CCDC59: variants seen among roughly 807,000 people sequenced by gnomAD.
The protein encoded by CCDC59 is coiled-coil domain containing 59, also known as thyroid transcription factor 1-associated protein 26.
Under a neutral mutation model 30.5 loss-of-function variants are expected in CCDC59, and 27 were observed. That is an observed-to-expected ratio of 0.89 (90% confidence interval 0.65 to 1.22). The LOEUF is 1.22. Ranked by LOEUF, CCDC59 falls within the 50% of genes most tolerant of loss-of-function variation. CCDC59 has a pLI of 0.00. For synonymous variants in CCDC59, 125 were observed against 100.9 expected, an observed-to-expected ratio of 1.24 and a Z score of -1.43; for missense variants, 362 against 284.4, an observed-to-expected ratio of 1.27 and a Z score of -1.96.
Position 82,352,512 on chromosome 12 carries a change from C to G in CCDC59, c.*639G>C, listed in dbSNP as rs893995403. 1 of 152,210 alleles carries G rather than the reference C, an allele frequency of 6.6e-6. No homozygotes were observed. Among genetic ancestry groups the G allele is most frequent in the African/African-American group, 2.4e-5 (1 of 41,462 alleles). The allele number at this position is 152,210 out of a possible 1,614,324, so 9.4% of individuals were successfully genotyped here. A position where few individuals can be genotyped will look rare whatever the true frequency, so the allele number is the denominator to read the frequency against. On this transcript the variant is annotated 3_prime_UTR_variant, in exon 4 of 4. Coordinates refer to ENST00000256151, the MANE Select transcript of CCDC59 (RefSeq NM_014167.5). ...AGATAATGTTCTTAAAGTATAGGGTCCATAGGAACTGGAAAGCTTAATTCT... is the reference window on the plus strand; with the variant it reads ...AGATAATGTTCTTAAAGTATAGGGTGCATAGGAACTGGAAAGCTTAATTCT...
chr12:82,357,306 G>A (rs1319146799), intron 1 of CCDC59, 37 bp from the exon 2 acceptor site: 5 of 1,543,552 alleles, frequency 3.2e-6, no homozygotes, highest in Middle Eastern at 2.0e-4. Context: ...TACTTTCAGA[G>A]AAAAGAAGTT....
chr12:82,358,184 C>T, intron 1 of CCDC59, 39 bp downstream of exon 1: 2 of 1,612,680 alleles, frequency 1.2e-6, no homozygotes, highest in Non-Finnish European at 8.5e-7. Context: ...TAAAACTTAG[C>T]AAGCCTGAGG....
At chr12:82,358,463 G>GA, upstream of CCDC59, 2 of 1,601,666 alleles carry the variant, frequency 1.2e-6, no homozygotes, top group Admixed American at 3.4e-5. Context: ...CGCTCAGAAG[G>GA]AATCCGGCTC....
chr12:82,353,508 G>T (rs1880895431), intron 3 of CCDC59, among the ~76,000 whole-genome samples, 196 bp from the exon 4 acceptor site: 1 of 152,064 alleles, frequency 6.6e-6, no homozygotes, highest in South Asian at 2.1e-4. Flanking sequence ...GTATAACAGA[G>T]AATTTTCATG....
intron 2 of CCDC59, chr12:82,355,191 T>C (rs1298194108): frequency 6.6e-6 from 1 of 152,450 alleles, no homozygotes; most frequent in Non-Finnish European, 1.5e-5. Flanking sequence ...GACTAGTGAC[T>C]AGTGACTGCC....
rs745987418 is a variant in CCDC59, at chr12:82,353,281, T to G, written c.596A>C (p.Glu199Ala). Reference sequence around the variant, plus strand: ...CTTCTTTTTGTACTGCCTTTGGGCTTCTTCTCTCTCCTGTTTTCTCCTCTC... The same window carrying G: ...CTTCTTTTTGTACTGCCTTTGGGCTGCTTCTCTCTCCTGTTTTCTCCTCTC... ...EFERRKQERE[E>A]AQRQYKKKKM... The change falls in exon 4 of 4, where the codon GAA (glutamate) becomes GCA (alanine). Residue 199 changes from glutamate (E) to alanine (A), a missense_variant. Glu to Ala is a moderately radical substitution (Grantham distance 107, BLOSUM62 -1). Coordinates refer to ENST00000256151, the MANE Select transcript of CCDC59 (RefSeq NM_014167.5). The G allele has an allele frequency of 4.4e-6, 7 of 1,607,770 alleles. No individual in the cohort carries two copies. Among genetic ancestry groups the G allele is most frequent in the Admixed American group, 3.4e-5 (2 of 58,634 alleles).
chr12:82,354,014 ATAGT>A (rs2136746877), intron 3 of CCDC59, among the ~76,000 whole-genome samples: 1 of 65,698 alleles, frequency 1.5e-5, no homozygotes, highest in African/African-American at 4.4e-5. Context: ...AGCTAAAATA[ATAGT>A]TGTTTTTTTT....
rs1261020944 is a variant in CCDC59 at position 82,358,212 on chromosome 12, T to C, written c.154+11A>G. 6.2e-7 allele frequency: 1 copy of C among 1,614,156 alleles called. No individual in the cohort carries two copies. On this transcript the variant is annotated intron_variant, in intron 1 of 3. Transcript: ENST00000256151. Reference sequence around the variant, plus strand: ...GCCTGAGGATTTGCAAATGGTTGCCTTCTTACATACCCTCGCGAACGCTCC... The same window carrying C: ...GCCTGAGGATTTGCAAATGGTTGCCCTCTTACATACCCTCGCGAACGCTCC...
chr12:82,353,259 CTT>C lies in CCDC59; in HGVS notation c.616_617del (p.Lys206GlufsTer7). 3.7e-6 allele frequency: 6 copies of C among 1,612,412 alleles called. No homozygotes were observed. Among genetic ancestry groups the C allele is most frequent in the Non-Finnish European group, 5.1e-6 (6 of 1,179,326 alleles). On this transcript the variant is annotated frameshift_variant, in exon 4 of 4. Transcript: ENST00000256151. LOFTEE classifies it high-confidence loss of function. ...GTATTTTAAACACTTCCATTTTCTT[CTT>C]TTTGTACTGCCTTTGGGCTTCTTCT... is the stretch of plus-strand genomic sequence containing the variant. ...EREEAQRQYK[K>X]KKMEVFKILN...
rs1338523380 is a variant in CCDC59 at position 82,353,282 on chromosome 12, C to T, written c.595G>A (p.Glu199Lys). 1 of 1,605,760 alleles carries T rather than the reference C, an allele frequency of 6.2e-7. No homozygotes were observed. The highest frequency in any genetic ancestry group is 2.2e-5 in the East Asian group (1 of 44,746). The part of the protein sequence containing the change: ...EFERRKQERE[E>K]AQRQYKKKKM... Reference sequence around the variant, plus strand: ...TTCTTTTTGTACTGCCTTTGGGCTTCTTCTCTCTCCTGTTTTCTCCTCTCG... The same window carrying T: ...TTCTTTTTGTACTGCCTTTGGGCTTTTTCTCTCTCCTGTTTTCTCCTCTCG... Residue 199 changes from glutamate (E) to lysine (K), a missense_variant, in exon 4 of 4, where the codon GAA becomes AAA. Coordinates refer to ENST00000256151, the MANE Select transcript of CCDC59 (RefSeq NM_014167.5).
rs1199077152 is a variant in CCDC59 at position 82,353,237 on chromosome 12, T to C, written c.640A>G (p.Ile214Val). ...CCCTTTTTAGTCTTTTTGTTCAGTA[T>C]TTTAAACACTTCCATTTTCTTCTTT... ...YKKKKMEVFK[I>V]LNKKTKKGQP... The change falls in exon 4 of 4, where the codon ATA becomes GTA. Residue 214 changes from isoleucine to valine, a missense_variant. Physicochemically the swap from Ile to Val is conservative, Grantham distance 29. Transcript: ENST00000256151. The C allele has an allele frequency of 5.6e-6, 9 of 1,613,042 alleles. No homozygotes were observed. Among genetic ancestry groups the C allele is most frequent in the Non-Finnish European group, 7.6e-6 (9 of 1,179,468 alleles).
At chr12:82,358,789 A>G, upstream of CCDC59, 1 of 1,613,324 alleles carries the variant, frequency 6.2e-7, no homozygotes, top group Non-Finnish European at 8.5e-7. Context: ...CTGCCCTCAG[A>G]GACGCGCCCC....
intron 3 of CCDC59, among the ~76,000 whole-genome samples, chr12:82,354,128 T>A (rs1024123359): frequency 8.5e-5 from 13 of 152,092 alleles, no homozygotes; most frequent in African/African-American, 2.9e-4. Context: ...ATGAAAATCA[T>A]CTATATTTTT....
Position 82,358,291 on chromosome 12 carries a change from T to C in CCDC59, c.86A>G (p.Asn29Ser). 1.2e-6 allele frequency: 2 copies of C among 1,614,194 alleles called. No homozygotes were observed. The highest frequency in any genetic ancestry group is 1.6e-4 in the Middle Eastern group (1 of 6,062). Reference protein sequence around the residue: ...GEGVSTVGYRNKNVRQKTWRP... With the variant: ...GEGVSTVGYRSKNVRQKTWRP... The stretch of plus-strand genomic sequence containing the variant: ...CCATGTCTTCTGTCTCACATTCTTA[T>C]TCCTGTACCCGACAGTGGAAACCCC... The change falls in exon 1 of 4, where the codon AAT (asparagine) becomes AGT (serine). Residue 29 changes from asparagine to serine, a missense_variant. Transcript: ENST00000256151.
intron 1 of CCDC59, 46 bp downstream of exon 1, chr12:82,358,177 A>C (rs2136756427): frequency 6.2e-7 from 1 of 1,610,952 alleles, no homozygotes; most frequent in Non-Finnish European, 8.5e-7. Context: ...TATATCCTAA[A>C]ACTTAGCAAG....
At chr12:82,358,032 A>ATTAAAGT (rs1181885994) in intron 1 of CCDC59, among the ~76,000 whole-genome samples, 191 bp downstream of exon 1, 10 of 152,234 alleles carry the variant, frequency 6.6e-5, no homozygotes, top group African/African-American at 2.4e-4. Flanking sequence ...CGTTTAAATA[A>ATTAAAGT]TAGCAACACT....
intron 1 of CCDC59, 41 bp downstream of exon 1, chr12:82,358,182 A>G (rs1191513493): frequency 4.3e-6 from 7 of 1,611,850 alleles, no homozygotes. Context: ...CCTAAAACTT[A>G]GCAAGCCTGA....
chr12:82,354,421 G>T, intron 3 of CCDC59, 74 bp downstream of exon 3: 2 of 1,146,674 alleles, frequency 1.7e-6, no homozygotes, highest in Non-Finnish European at 1.2e-6. Flanking sequence ...GCACCAAGAA[G>T]CACAACAGGT....
chr12:82,354,657 A>G, intron 2 of CCDC59, 63 bp from the exon 3 acceptor site: 1 of 1,466,462 alleles, frequency 6.8e-7, no homozygotes, highest in Non-Finnish European at 9.1e-7. Flanking sequence ...GGTATTAAAA[A>G]CACAGTTGTA....
Sources: allele counts gnomAD v4.1 joint callset (sites outside exome capture counted in the v4.1 genomes callset), GRCh38; gene constraint gnomAD v4.1.1; transcripts MANE v1.5; gene names NCBI Gene and HGNC (gene_info 2026-07-23, HGNC 2026-07-21).